The following NEO1 variants were observed in gnomAD, a reference collection of about 807,000 sequenced individuals.
The protein encoded by NEO1 is neogenin.
NEO1 carries 63 observed loss-of-function variants against 159.7 expected under a neutral mutation model. The ratio of observed to expected loss-of-function variants is 0.39; its 90% confidence interval spans 0.32 to 0.49. The LOEUF is 0.49. Ranked by LOEUF, NEO1 falls within the 20% of genes least tolerant of loss-of-function variation. The probability of loss-of-function intolerance (pLI) is 0.85; values close to 1 mark genes in which losing one functional copy is unlikely to be tolerated. For synonymous variants in NEO1, 633 were observed against 662.0 expected, an observed-to-expected ratio of 0.96 and a Z score of 0.67; for missense variants, 1,615 against 1,831.0, an observed-to-expected ratio of 0.88 and a Z score of 2.15.
intron 1 of NEO1, among the ~76,000 whole-genome samples, chr15:73,091,522 G>T (rs8032762): frequency 0.045 from 6,848 of 152,030 alleles, 162 homozygotes; most frequent in African/African-American, 0.048. Flanking sequence ...CTGCTTTTGC[G>T]CATAGTGAAC....
chr15:73,293,242 A>C, intron 25 of NEO1, 148 bp from the exon 26 acceptor site: 1 of 776,972 alleles, frequency 1.3e-6, no homozygotes. Context: ...TGGCTAATTG[A>C]CCAGATCTAG....
chr15:73,059,403 C>A (rs2067871086), intron 1 of NEO1, among the ~76,000 whole-genome samples: 1 of 152,158 alleles, frequency 6.6e-6, no homozygotes, highest in Non-Finnish European at 1.5e-5. Flanking sequence ...AAAATTATTT[C>A]ATAGCGAGAA....
chr15:73,198,392 C>T (rs2152042210), intron 7 of NEO1, among the ~76,000 whole-genome samples: 1 of 152,166 alleles, frequency 6.6e-6, no homozygotes. Flanking sequence ...AGTAAATATT[C>T]AAAACTTTGT....
In NEO1 at chr15:73,178,329, T is replaced by G. The variant is rs1482482541; in HGVS notation, c.1193T>G (p.Leu398Trp). Residue 398 changes from leucine (L) to tryptophan (W), a missense_variant, in exon 7 of 29, where the codon TTG (leucine) becomes TGG (tryptophan). This residue lies in a region of NEO1 where 1,018 missense variants were observed against 1,115.4 expected (regional missense o/e 0.91). Transcript: ENST00000261908. ...KIVKEHNLQV[L>W]GLVKSDEGFY... ...CAGAAGGAACATAATCTTCAAGTTT[T>G]GGGTCTGGTGAAATCAGATGAAGGG... The G allele has an allele frequency of 6.2e-7, 1 of 1,613,188 alleles. No individual in the cohort carries two copies. The highest frequency in any genetic ancestry group is 8.5e-7 in the Non-Finnish European group (1 of 1,179,452).
At chr15:73,248,700 G>A (rs1201249440) in intron 9 of NEO1, among the ~76,000 whole-genome samples, 1 of 152,112 alleles carries the variant, frequency 6.6e-6, no homozygotes, top group Non-Finnish European at 1.5e-5. Context: ...CTGCTAGACT[G>A]GGAGTTCTTT....
At chr15:73,248,488 G>T (rs1359965479) in intron 9 of NEO1, among the ~76,000 whole-genome samples, 3 of 152,114 alleles carry the variant, frequency 2.0e-5, no homozygotes, top group Non-Finnish European at 4.4e-5. Context: ...TGACCCCATT[G>T]ACTGGAATGA....
At chr15:73,290,985 G>A (rs2042144415) in intron 25 of NEO1, among the ~76,000 whole-genome samples, 1 of 152,152 alleles carries the variant, frequency 6.6e-6, no homozygotes, top group Non-Finnish European at 1.5e-5. Context: ...AACCATCTTT[G>A]AAAGAGTAAT....
Position 73,270,033 on chromosome 15 carries a change from G to C in NEO1, c.2518G>C (p.Val840Leu). 6.2e-7 allele frequency: 1 copy of C among 1,613,726 alleles called. No homozygotes were observed. Among genetic ancestry groups the C allele is most frequent in the Non-Finnish European group, 8.5e-7 (1 of 1,179,866 alleles). ...AGACACTTCTGAAGTTGATTTATTT[G>C]TTATTAATGCTCCATACACTCCAGT... ...HTDTSEVDLFVINAPYTPVPD... is the reference protein window; with the variant it reads ...HTDTSEVDLFLINAPYTPVPD... Residue 840 changes from valine (V) to leucine (L), a missense_variant, in exon 17 of 29, where the codon GTT becomes CTT. By Grantham distance (32) the Val-to-Leu change is conservative (BLOSUM62 1). This residue lies in a region of NEO1 where 1,018 missense variants were observed against 1,115.4 expected (regional missense o/e 0.91). Transcript: ENST00000261908.
chr15:73,221,758 G>C (rs1354868477), intron 7 of NEO1: 1 of 155,816 alleles, frequency 6.4e-6, no homozygotes, highest in East Asian at 1.9e-4. Flanking sequence ...ATCTCCTGGT[G>C]CGCCGTTTTT....
intron 22 of NEO1, among the ~76,000 whole-genome samples, chr15:73,281,891 A>G (rs533686446): frequency 5.3e-4 from 80 of 152,252 alleles, no homozygotes; most frequent in Admixed American, 5.2e-4. Flanking sequence ...GAGCTAAATT[A>G]CAAAGCCTAG....
chr15:73,052,335 C>G (rs1186280217), upstream of NEO1: 1 of 146,816 alleles, frequency 6.8e-6, no homozygotes, highest in Non-Finnish European at 1.5e-5. Context: ...TCCGCGGTCT[C>G]CGCCCCCCTC....
At chr15:73,233,770 C>T (rs2039035529) in intron 7 of NEO1, among the ~76,000 whole-genome samples, 2 of 152,130 alleles carry the variant, frequency 1.3e-5, no homozygotes, top group South Asian at 4.1e-4. Flanking sequence ...ATTCCCTCCC[C>T]AGCTGCTTTC....
intron 7 of NEO1, among the ~76,000 whole-genome samples, chr15:73,206,003 G>C (rs2037201256): frequency 6.6e-6 from 1 of 152,040 alleles, no homozygotes; most frequent in South Asian, 2.1e-4. Context: ...TGCCTCCCAG[G>C]CTCAAGTGAT....
chr15:73,175,501 C>G (rs997750204), intron 5 of NEO1, among the ~76,000 whole-genome samples: 6 of 152,188 alleles, frequency 3.9e-5, no homozygotes, highest in African/African-American at 1.2e-4. Flanking sequence ...CAAGTTGCCA[C>G]AAATTCAACA....
chr15:73,242,777 G>A (rs554865068), intron 8 of NEO1, among the ~76,000 whole-genome samples: 1 of 152,332 alleles, frequency 6.6e-6, no homozygotes, highest in African/African-American at 2.4e-5. Flanking sequence ...TGAAAAGGAG[G>A]AAGAAGAAGA....
intron 1 of NEO1, among the ~76,000 whole-genome samples, chr15:73,115,936 A>G (rs1300901880): frequency 1.3e-5 from 2 of 152,210 alleles, no homozygotes; most frequent in African/African-American, 4.8e-5. Flanking sequence ...ATCTTGGGAT[A>G]AAAAAGACCT....
intron 1 of NEO1, among the ~76,000 whole-genome samples, chr15:73,072,867 T>C (rs555561282): frequency 7.6e-4 from 116 of 152,212 alleles, no homozygotes; most frequent in African/African-American, 2.7e-3. Context: ...AATTTGGTGA[T>C]GGATTGGATA....
At chr15:73,065,717 T>A (rs1202922640) in intron 1 of NEO1, among the ~76,000 whole-genome samples, 1 of 152,230 alleles carries the variant, frequency 6.6e-6, no homozygotes, top group African/African-American at 2.4e-5. Context: ...TTGAGCTTGT[T>A]GTATGTGTGG....
intron 7 of NEO1, among the ~76,000 whole-genome samples, chr15:73,210,062 AT>A (rs2037469168): frequency 6.6e-6 from 1 of 152,194 alleles, no homozygotes; most frequent in African/African-American, 2.4e-5. Context: ...ACATTGCCAT[AT>A]AGATCCTATC....
Sources: gnomAD v4.1 joint callset for allele counts (sites outside exome capture counted in the v4.1 genomes callset) on GRCh38, gnomAD v4.1.1 for gene constraint, gnomAD v4.1.1 regional missense constraint, MANE v1.5 for transcripts, NCBI Gene and HGNC (gene_info 2026-07-23, HGNC 2026-07-21) for gene names.